TMEM156: variants seen among roughly 807,000 people sequenced by gnomAD.
The protein encoded by TMEM156 is transmembrane protein 156.
In TMEM156, 28 loss-of-function variants were observed where a neutral mutation model predicts 30.5. The ratio of observed to expected loss-of-function variants is 0.92; its 90% CI spans 0.68 to 1.26. The LOEUF (loss-of-function observed/expected upper bound fraction) is 1.26. Among genes scored for constraint, TMEM156 ranks in the 50% most tolerant of loss-of-function variants. The pLI is 0.00. For synonymous variants in TMEM156, 137 were observed against 119.9 expected (o/e 1.14, Z -0.93); for missense variants, 351 against 340.6 (o/e 1.03, Z -0.24).
chr4:39,032,010 A>C (rs562690398), intron 1 of TMEM156, among the ~76,000 whole-genome samples: 1 of 152,196 alleles, frequency 6.6e-6, no homozygotes, highest in African/African-American at 2.4e-5. Context: ...AAATATTTTC[A>C]TTTTTAGGTA....
intron 1 of TMEM156, 34 bp from the exon 2 acceptor site, chr4:38,998,943 G>A (rs776433429): frequency 3.7e-5 from 58 of 1,566,438 alleles, no homozygotes; most frequent in Non-Finnish European, 4.8e-5. Flanking sequence ...TTTCTTTACT[G>A]TAAAGCTTTG....
chr4:38,981,170 G>A (rs746020058), intron 5 of TMEM156, among the ~76,000 whole-genome samples: 2 of 152,176 alleles, frequency 1.3e-5, no homozygotes, highest in Non-Finnish European at 2.9e-5. Context: ...TCTGGCACCA[G>A]TAATTTATCT....
chr4:39,026,208 T>G (rs1715193823), intron 1 of TMEM156, among the ~76,000 whole-genome samples: 1 of 152,136 alleles, frequency 6.6e-6, no homozygotes, highest in Non-Finnish European at 1.5e-5. Context: ...GGAAGATATA[T>G]CACCATATGA....
rs183309136 is a variant in TMEM156 at position 39,031,782 on chromosome 4, C to T, written c.88+444G>A. Reference sequence around the variant, plus strand: ...GCCTGTAATCCCAGCTACTCGGAGGCTGAGGCAGGAGAATTGCTTGAATCC... The same window carrying T: ...GCCTGTAATCCCAGCTACTCGGAGGTTGAGGCAGGAGAATTGCTTGAATCC... On this transcript the variant is annotated intron_variant, in intron 1 of 6. Transcript: ENST00000381938. 7.6e-4 allele frequency among the ~76,000 whole-genome samples: 114 copies of T among 149,930 alleles called. 1 individual carries two copies. In the East Asian group the frequency reaches 0.02, roughly 26 times the overall value.
chr4:38,995,417 C>G (rs1163919163), intron 2 of TMEM156, among the ~76,000 whole-genome samples: 1 of 152,166 alleles, frequency 6.6e-6, no homozygotes, highest in Non-Finnish European at 1.5e-5. Context: ...TCGTGATTTG[C>G]TTTTAATTCC....
intron 6 of TMEM156, among the ~76,000 whole-genome samples, chr4:38,968,203 T>C (rs1335517926): frequency 6.6e-6 from 1 of 152,264 alleles, no homozygotes. Flanking sequence ...GTTTGGTTTA[T>C]TTTCTATATC....
At chr4:38,995,813 A>C (rs976518471) in intron 2 of TMEM156, among the ~76,000 whole-genome samples, 8 of 152,252 alleles carry the variant, frequency 5.3e-5, no homozygotes, top group Non-Finnish European at 1.2e-4. Context: ...GTGACACTGC[A>C]TGACTAAGTC....
At chr4:38,979,138 T>C (rs1385336762) in intron 5 of TMEM156, among the ~76,000 whole-genome samples, 1 of 152,252 alleles carries the variant, frequency 6.6e-6, no homozygotes, top group African/African-American at 2.4e-5. Flanking sequence ...TGGTGTGAAC[T>C]GCATTATACA....
chr4:39,005,451 A>G (rs1194919439), intron 1 of TMEM156, among the ~76,000 whole-genome samples: 1 of 152,032 alleles, frequency 6.6e-6, no homozygotes, highest in African/African-American at 2.4e-5. Context: ...CTTCCCCTTC[A>G]CCTTCCACCA....
At chr4:38,988,523 C>A (rs1026280363) in intron 4 of TMEM156, among the ~76,000 whole-genome samples, 2 of 152,130 alleles carry the variant, frequency 1.3e-5, no homozygotes, top group South Asian at 4.1e-4. Context: ...TGAGTCACCG[C>A]GCTCGGCCTG....
Position 39,019,036 on chromosome 4 carries a change from A to C in TMEM156, c.88+13190T>G, listed in dbSNP as rs76069736. ...ACTCCATCTTAAAAAAACAAAACAA[A>C]AAAAAAAAAAAAACCTCTTCAGTTT... On this transcript the variant is annotated intron_variant, in intron 1 of 6. Transcript: ENST00000381938. Among the ~76,000 whole-genome samples, 209 of 151,214 alleles carry C rather than the reference A, an allele frequency of 1.4e-3. 3 individuals carry two copies. Among genetic ancestry groups the C allele is most frequent in the East Asian group, 1.5e-3 (8 of 5,174 alleles).
intron 2 of TMEM156, 78 bp from the exon 3 acceptor site, chr4:38,994,076 C>G (rs968138143): frequency 3.2e-6 from 4 of 1,266,216 alleles, no homozygotes; most frequent in Non-Finnish European, 4.4e-6. Flanking sequence ...AAAACTAAAT[C>G]TCTTCCTTTC....
chr4:39,004,800 T>C (rs1467415457), intron 1 of TMEM156, among the ~76,000 whole-genome samples: 1 of 152,210 alleles, frequency 6.6e-6, no homozygotes, highest in Admixed American at 6.6e-5. Context: ...TGTAAAATAG[T>C]ATAATCATTC....
chr4:39,004,808 T>C (rs1560375803), intron 1 of TMEM156, among the ~76,000 whole-genome samples: 2 of 152,286 alleles, frequency 1.3e-5, no homozygotes, highest in East Asian at 1.9e-4. Flanking sequence ...AGTATAATCA[T>C]TCTGGAAAAC....
chr4:38,972,242 A>ATTTT (rs144479056), intron 5 of TMEM156, among the ~76,000 whole-genome samples: 3 of 75,858 alleles, frequency 4.0e-5, no homozygotes, highest in South Asian at 6.1e-4. Context: ...TTCTCTGGGA[A>ATTTT]TTTTTTTTTT....
At chr4:38,992,937 A>G (rs1378594052) in intron 3 of TMEM156, among the ~76,000 whole-genome samples, 1 of 149,936 alleles carries the variant, frequency 6.7e-6, no homozygotes, top group Non-Finnish European at 1.5e-5. Flanking sequence ...AATTTTTTAT[A>G]TTTTTAGTAG....
At chr4:39,008,405 A>G (rs1367143296) in intron 1 of TMEM156, among the ~76,000 whole-genome samples, 2 of 152,164 alleles carry the variant, frequency 1.3e-5, no homozygotes, top group African/African-American at 4.8e-5. Flanking sequence ...CTGTTAATGT[A>G]GTGAATTACA....
intron 1 of TMEM156, among the ~76,000 whole-genome samples, chr4:39,004,165 A>G (rs941446088): frequency 2.6e-5 from 4 of 152,230 alleles, no homozygotes; most frequent in African/African-American, 9.6e-5. Context: ...TACTGCTGAG[A>G]GTCAACATCT....
Position 39,032,284 on chromosome 4 carries a change from A to C in TMEM156, c.30T>G (p.Phe10Leu), listed in dbSNP as rs762242624. The change falls in exon 1 of 7, where the codon TTT becomes TTG. Residue 10 changes from phenylalanine to leucine, a missense_variant. By Grantham distance (22) the Phe-to-Leu change is conservative (BLOSUM62 0). Coordinates refer to ENST00000381938, the MANE Select transcript of TMEM156 (RefSeq NM_024943.3). ...AAATGAATGTGATCACTATTGCCAC[A>C]AATAATTTAAGGAGGGCTGTTTTTG... MTKTALLKL[F>L]VAIVITFILI... The C allele has an allele frequency of 1.9e-6, 3 of 1,610,238 alleles. No individual in the cohort carries two copies. The highest frequency in any genetic ancestry group is 2.2e-5 in the East Asian group (1 of 44,816).
Sources: gnomAD v4.1 joint callset for allele counts (sites outside exome capture counted in the v4.1 genomes callset) on GRCh38, gnomAD v4.1.1 for gene constraint, MANE v1.5 for transcripts, NCBI Gene and HGNC (gene_info 2026-07-23, HGNC 2026-07-21) for gene names.